The following CHRNB4 variants were observed in gnomAD, a reference collection of about 807,000 sequenced individuals.
CHRNB4 encodes neuronal acetylcholine receptor subunit beta-4.
In CHRNB4, 23 loss-of-function variants were observed where a neutral mutation model predicts 40.4. That is an observed-to-expected ratio of 0.57 (90% CI 0.41 to 0.81). CHRNB4 has a LOEUF of 0.81. CHRNB4 is among the 30% of genes least tolerant of loss of function. The pLI is 0.00. For missense variants in CHRNB4, 568 were observed against 670.6 expected, an observed-to-expected ratio of 0.85 and a Z score of 1.69; for synonymous variants, 285 against 274.4, an observed-to-expected ratio of 1.04 and a Z score of -0.38.
chr15:78,649,390 T>G (rs1368408469), exon 7 of CHRNB4: 1 of 454,994 alleles, frequency 2.2e-6, no homozygotes, highest in Non-Finnish European at 4.4e-6. Context: ...TAATACAATA[T>G]GATCTGGAGC....
At position 78,625,100 on chromosome 15, in the gene CHRNB4, T is replaced by G; in HGVS notation, c.*33A>C. 1.2e-6 allele frequency: 2 copies of G among 1,613,722 alleles called. No homozygotes were observed. Among genetic ancestry groups the G allele is most frequent in the Non-Finnish European group, 1.7e-6 (2 of 1,179,984 alleles). On this transcript the variant is annotated 3_prime_UTR_variant, in exon 6 of 6. Coordinates refer to ENST00000261751, the MANE Select transcript of CHRNB4 (RefSeq NM_000750.5). ...AGCAGCAAAGTGCCCACCCGGCCACTCACATCCTCTCACCCCACAACCCAG... is the reference window on the plus strand; with the variant it reads ...AGCAGCAAAGTGCCCACCCGGCCACGCACATCCTCTCACCCCACAACCCAG...
chr15:78,653,692 A>G lies in CHRNB4; in HGVS notation c.-109-1021T>C, dbSNP rs115572060. The stretch of plus-strand genomic sequence containing the variant: ...CCACACTTTTCCTGGCAAGCCCCCA[A>G]ACCAACTACTGAGCACAGCGAGAGT... On this transcript the variant is annotated intron_variant and NMD_transcript_variant, in intron 5 of 11. Coordinates refer to the CHRNB4 transcript ENST00000559849. Among the ~76,000 whole-genome samples the G allele has an allele frequency of 3.9e-3, 597 of 152,218 alleles. 5 individuals carry two copies. Among genetic ancestry groups the G allele is most frequent in the African/African-American group, 0.014 (561 of 41,534 alleles).
intron 1 of CHRNB4, among the ~76,000 whole-genome samples, chr15:78,637,095 C>T (rs1270370143): frequency 3.9e-5 from 6 of 152,196 alleles, no homozygotes; most frequent in African/African-American, 1.2e-4. Context: ...GCTGGCTCCT[C>T]ATCTGGAGCT....
At chr15:78,658,578 T>C (rs1234692280) in intron 1 of CHRNB4, among the ~76,000 whole-genome samples, 2 of 152,204 alleles carry the variant, frequency 1.3e-5, no homozygotes, top group Non-Finnish European at 2.9e-5. Context: ...TGTAATTACT[T>C]GCCCTTGGTG....
chr15:78,634,892 T>C (rs1266674628), intron 2 of CHRNB4, among the ~76,000 whole-genome samples: 2 of 152,038 alleles, frequency 1.3e-5, no homozygotes, highest in African/African-American at 4.8e-5. Flanking sequence ...AACCTGACAA[T>C]GGTACCTGTG....
In CHRNB4 at chr15:78,641,120, G is replaced by GGC; in HGVS notation, c.12_13dup (p.Pro5ArgfsTer27). Reference sequence around the variant, plus strand: ...GACCAGGAAGAAAAGGACCAGGGAAGGCGCGCGCCTCATGGCCGGCGGGGC... The same window carrying GGC: ...GACCAGGAAGAAAAGGACCAGGGAAGGCGCGCGCGCCTCATGGCCGGCGGGGC... On this transcript the variant is annotated frameshift_variant, in exon 1 of 6. Coordinates refer to ENST00000261751, the MANE Select transcript of CHRNB4 (RefSeq NM_000750.5). LOFTEE classifies it high-confidence loss of function. 1 of 1,575,622 alleles carries GGC rather than the reference G, an allele frequency of 6.3e-7. No individual in the cohort carries two copies. The highest frequency in any genetic ancestry group is 8.6e-7 in the Non-Finnish European group (1 of 1,162,060).
At chr15:78,634,768 A>C (rs2053911365) in intron 2 of CHRNB4, 1 of 455,840 alleles carries the variant, frequency 2.2e-6, no homozygotes, top group Admixed American at 2.4e-5. Context: ...GAAGGTTTAC[A>C]ATAGGCCATG....
At chr15:78,630,191 T>C (rs2053772326) in intron 4 of CHRNB4, among the ~76,000 whole-genome samples, 1 of 150,648 alleles carries the variant, frequency 6.6e-6, no homozygotes, top group Non-Finnish European at 1.5e-5. Flanking sequence ...CCAGGCTGAG[T>C]GCAATGGTGC....
rs778546948 is a variant in CHRNB4, at chr15:78,629,116, A to G, written c.1189T>C (p.Ser397Pro). Reference sequence around the variant, plus strand: ...GGGGTAGAGCCGGCTGGAGACTTGGAAGCTGCAGAGGCGGGGTTCACAAAG... The same window carrying G: ...GGGGTAGAGCCGGCTGGAGACTTGGGAGCTGCAGAGGCGGGGTTCACAAAG... The part of the protein sequence containing the change: ...MYFVNPASAA[S>P]KSPAGSTPVA... Residue 397 changes from serine to proline, a missense_variant, in exon 5 of 6, where the codon TCC (serine) becomes CCC (proline). Physicochemically the swap from Ser to Pro is moderately conservative, Grantham distance 74. Transcript: ENST00000261751. This position sits in a 1 kb window ranked among gnomAD's most constrained non-coding sequence, Gnocchi z 6.8. The G allele has an allele frequency of 3.1e-6, 5 of 1,614,014 alleles. No individual in the cohort carries two copies. The African/African-American group carries it at 4.0e-5, about 13-fold the overall frequency.
upstream of CHRNB4, chr15:78,641,317 G>A: frequency 1.9e-6 from 1 of 516,554 alleles, no homozygotes; most frequent in Non-Finnish European, 3.2e-6. Flanking sequence ...TGGGCCCGCT[G>A]CTCCGCCCCG....
chr15:78,661,067 T>C, upstream of CHRNB4: 1 of 597,630 alleles, frequency 1.7e-6, no homozygotes, highest in Non-Finnish European at 3.3e-6. Flanking sequence ...CGGCTGGCCC[T>C]TTGACCTCTG....
In CHRNB4 at chr15:78,624,814, G is replaced by T. The variant is rs71534217; in HGVS notation, c.*319C>A. The stretch of plus-strand genomic sequence containing the variant: ...AGAGATGGTGATGGAGAGGCAGGCC[G>T]GCACCATGCCTGAAGCATAGTAGGT... On this transcript the variant is annotated 3_prime_UTR_variant, in exon 6 of 6. Transcript: ENST00000261751. 1.5e-6 allele frequency: 1 copy of T among 658,978 alleles called. No homozygotes were observed. The highest frequency in any genetic ancestry group is 3.1e-5 in the Admixed American group (1 of 32,316). 40.8% of individuals were successfully genotyped at this position (658,978 alleles called of 1,614,324 possible).
intron 5 of CHRNB4, 99 bp from the exon 6 acceptor site, chr15:78,625,390 C>T (rs746573575): frequency 2.6e-5 from 31 of 1,191,936 alleles, no homozygotes; most frequent in Non-Finnish European, 3.6e-5. Context: ...CTCCACAGGC[C>T]ACAGGCGTGG....
chr15:78,630,079 A>C, intron 4 of CHRNB4, 134 bp from the exon 5 acceptor site: 1 of 996,882 alleles, frequency 1.0e-6, no homozygotes, highest in Non-Finnish European at 1.4e-6. Flanking sequence ...CCCTCACTGA[A>C]AGGAGGGGTC....
intron 2 of CHRNB4, 141 bp downstream of exon 2, chr15:78,635,298 C>A: frequency 1.0e-6 from 1 of 982,772 alleles, no homozygotes; most frequent in Non-Finnish European, 1.5e-6. Context: ...CTTCATGGAC[C>A]CTTCTGCAGC....
At chr15:78,655,251 A>G (rs777193484) in intron 5 of CHRNB4, among the ~76,000 whole-genome samples, 53 of 151,374 alleles carry the variant, frequency 3.5e-4, no homozygotes, top group Non-Finnish European at 7.2e-4. Context: ...TCTGTCACCT[A>G]GACTGGAGTG....
At chr15:78,648,279 G>A (rs968102918) in intron 7 of CHRNB4, among the ~76,000 whole-genome samples, 1 of 151,434 alleles carries the variant, frequency 6.6e-6, no homozygotes, top group African/African-American at 2.4e-5. Context: ...TGTAGTCCCA[G>A]CTACTCAGGA....
At chr15:78,650,779 G>C (rs1370410829) in intron 6 of CHRNB4, among the ~76,000 whole-genome samples, 2 of 152,220 alleles carry the variant, frequency 1.3e-5, no homozygotes, top group Non-Finnish European at 2.9e-5. Context: ...ACCAAACGAG[G>C]AGGGGGAAGA....
intron 1 of CHRNB4, among the ~76,000 whole-genome samples, chr15:78,636,172 G>A (rs778658284): frequency 6.6e-6 from 1 of 152,142 alleles, no homozygotes; most frequent in African/African-American, 2.4e-5. Context: ...CACTCAAAGT[G>A]CTGGGATTAC....
Sources: gnomAD v4.1 joint callset for allele counts (sites outside exome capture counted in the v4.1 genomes callset) on GRCh38, gnomAD v4.1.1 for gene constraint, Gnocchi (gnomAD v3.1) non-coding constraint, MANE v1.5 for transcripts, NCBI Gene and HGNC (gene_info 2026-07-23, HGNC 2026-07-21) for gene names.